The following TTC28 variants were observed in gnomAD, a reference collection of about 807,000 sequenced individuals.
TTC28 encodes the protein tetratricopeptide repeat protein 28.
A neutral mutation model predicts 198.0 loss-of-function variants in TTC28; 61 were observed. That is an observed-to-expected ratio of 0.31 (90% CI 0.25 to 0.38). The LOEUF (loss-of-function observed/expected upper bound fraction) is 0.38, where lower values mean the gene tolerates loss of function less well. Ranked by LOEUF, TTC28 falls within the 10% of genes least tolerant of loss-of-function variation. The probability of loss-of-function intolerance (pLI) is 1.00; values close to 1 mark genes in which losing one functional copy is unlikely to be tolerated. For synonymous variants in TTC28, 1,171 were observed against 1,297.8 expected, an observed-to-expected ratio of 0.90 and a Z score of 2.10; for missense variants, 2,678 against 3,164.0, an observed-to-expected ratio of 0.85 and a Z score of 3.69.
At chr22:28,512,791 C>A (rs1206064307) in intron 2 of TTC28, among the ~76,000 whole-genome samples, 1 of 151,964 alleles carries the variant, frequency 6.6e-6, no homozygotes, top group Non-Finnish European at 1.5e-5. Context: ...GGGACAGCAT[C>A]AGGAAGAAAA....
chr22:28,385,899 T>C (rs1203304266), intron 2 of TTC28, among the ~76,000 whole-genome samples: 10 of 152,116 alleles, frequency 6.6e-5, no homozygotes, highest in African/African-American at 2.4e-4. Flanking sequence ...GCTCCACCTC[T>C]GCCAAAAACA....
intron 2 of TTC28, among the ~76,000 whole-genome samples, chr22:28,397,382 T>A (rs1466583069): frequency 6.6e-6 from 1 of 152,240 alleles, no homozygotes; most frequent in African/African-American, 2.4e-5. Context: ...GGAATTGTCA[T>A]GAATAAGAGG....
At chr22:28,612,494 A>G (rs1425276928) in intron 2 of TTC28, among the ~76,000 whole-genome samples, 1 of 152,106 alleles carries the variant, frequency 6.6e-6, no homozygotes, top group African/African-American at 2.4e-5. Flanking sequence ...CATCTACAGA[A>G]CTCTCCACCC....
chr22:28,083,784 G>A (rs1464245355), intron 12 of TTC28, among the ~76,000 whole-genome samples: 1 of 152,164 alleles, frequency 6.6e-6, no homozygotes. Context: ...GTGACAGACG[G>A]CACCTGGAAA....
chr22:28,362,942 A>AG (rs2046181747), intron 2 of TTC28, among the ~76,000 whole-genome samples: 1 of 152,200 alleles, frequency 6.6e-6, no homozygotes, highest in Non-Finnish European at 1.5e-5. Flanking sequence ...GAAAATTTGC[A>AG]GCCTGACAAT....
chr22:28,477,731 G>T (rs1053980155), intron 2 of TTC28, among the ~76,000 whole-genome samples: 1 of 152,130 alleles, frequency 6.6e-6, no homozygotes, highest in Non-Finnish European at 1.5e-5. Context: ...TGACCAATGG[G>T]ATGTCAGCAA....
At chr22:28,655,846 G>A (rs1245233507) in intron 1 of TTC28, among the ~76,000 whole-genome samples, 1 of 143,994 alleles carries the variant, frequency 6.9e-6, no homozygotes, top group African/African-American at 2.6e-5. Context: ...GCAAGACTCC[G>A]TCTCAAAAAA....
intron 2 of TTC28, among the ~76,000 whole-genome samples, chr22:28,346,725 T>G (rs367994722): frequency 6.6e-6 from 1 of 152,034 alleles, no homozygotes; most frequent in South Asian, 2.1e-4. Flanking sequence ...ATTCAGACAA[T>G]GTGTACATTT....
chr22:28,399,870 T>C (rs945787281), intron 2 of TTC28, among the ~76,000 whole-genome samples: 10 of 152,164 alleles, frequency 6.6e-5, no homozygotes, highest in African/African-American at 2.4e-4. Context: ...CAGATATTCA[T>C]CTTCAACAGG....
intron 3 of TTC28, among the ~76,000 whole-genome samples, chr22:28,301,880 T>C (rs1027916073): frequency 6.6e-6 from 1 of 151,674 alleles, no homozygotes; most frequent in African/African-American, 2.4e-5. Flanking sequence ...CTATAAAAAA[T>C]ACAAAAATTA....
chr22:28,367,538 C>T (rs1357593658), intron 2 of TTC28, among the ~76,000 whole-genome samples: 2 of 151,400 alleles, frequency 1.3e-5, no homozygotes, highest in African/African-American at 4.9e-5. Flanking sequence ...AAAGCAAGTG[C>T]AAACTGAACC....
At chr22:28,675,777 T>C (rs899123885) in intron 1 of TTC28, among the ~76,000 whole-genome samples, 17 of 118,830 alleles carry the variant, frequency 1.4e-4, no homozygotes, top group African/African-American at 2.2e-4. Context: ...ACACACACAA[T>C]GTAAAAAGAG....
chr22:28,154,415 G>A (rs922803528), intron 6 of TTC28, among the ~76,000 whole-genome samples: 1 of 148,974 alleles, frequency 6.7e-6, no homozygotes, highest in Non-Finnish European at 1.5e-5. Flanking sequence ...GCAGTGGCGC[G>A]ATCTCGGCAC....
intron 3 of TTC28, among the ~76,000 whole-genome samples, chr22:28,304,693 C>A (rs935645757): frequency 6.6e-6 from 1 of 152,108 alleles, no homozygotes; most frequent in East Asian, 1.9e-4. Context: ...GCTTCAAAGG[C>A]AAAATGGTAA....
chr22:28,211,264 T>G (rs1289331790), intron 5 of TTC28, among the ~76,000 whole-genome samples: 1 of 152,066 alleles, frequency 6.6e-6, no homozygotes, highest in Non-Finnish European at 1.5e-5. Context: ...AATGACAGGA[T>G]CAAATTCACA....
rs547122488 is a variant in TTC28 at position 28,196,551 on chromosome 22, C to G, written c.934-32952G>C. 4.3e-3 allele frequency among the ~76,000 whole-genome samples: 646 copies of G among 151,886 alleles called. 3 individuals carry two copies. Among genetic ancestry groups the G allele is most frequent in the African/African-American group, 0.015 (627 of 41,460 alleles). The stretch of plus-strand genomic sequence containing the variant: ...TGCAATCTACTCATCTGACAAAGGG[C>G]TAATATCCAGAATCTACAATGAACT... On this transcript the variant is annotated intron_variant, in intron 5 of 22. Transcript: ENST00000397906.
At chr22:28,178,146 T>C (rs554447965) in intron 5 of TTC28, among the ~76,000 whole-genome samples, 5 of 152,020 alleles carry the variant, frequency 3.3e-5, no homozygotes, top group Admixed American at 6.6e-5. Context: ...TCTGTAAACC[T>C]AAAACTGCTA....
chr22:28,222,975 A>G (rs1928003288), intron 5 of TTC28, among the ~76,000 whole-genome samples: 1 of 152,216 alleles, frequency 6.6e-6, no homozygotes, highest in African/African-American at 2.4e-5. Flanking sequence ...CTCCATTCAC[A>G]ATGAGGGACA....
At chr22:28,256,353 A>G (rs113880326) in intron 5 of TTC28, among the ~76,000 whole-genome samples, 3,654 of 151,014 alleles carry the variant, frequency 0.024, 175 homozygotes, top group African/African-American at 0.085. Flanking sequence ...CCCAGGAGGC[A>G]GAGGTTGCAG....
Sources: gnomAD v4.1 joint callset for allele counts (sites outside exome capture counted in the v4.1 genomes callset) on GRCh38, gnomAD v4.1.1 for gene constraint, MANE v1.5 for transcripts, NCBI Gene and HGNC (gene_info 2026-07-23, HGNC 2026-07-21) for gene names.